Variants in PDZD8 observed in about 807,000 individuals in gnomAD.
PDZD8 encodes the protein PDZ domain containing 8.
Under a neutral mutation model 85.8 loss-of-function variants are expected in PDZD8, and 14 were observed. The ratio of observed to expected loss-of-function variants is 0.16; its 90% CI spans 0.11 to 0.26. The LOEUF (loss-of-function observed/expected upper bound fraction) is 0.26. Ranked by LOEUF, PDZD8 falls within the 10% of genes least tolerant of loss-of-function variation. The pLI is 1.00. For synonymous variants in PDZD8, 592 were observed against 568.6 expected, an observed-to-expected ratio of 1.04 and a Z score of -0.59; for missense variants, 1,197 against 1,424.3, an observed-to-expected ratio of 0.84 and a Z score of 2.57.
chr10:117,353,772 G>A (rs954789842), intron 1 of PDZD8, among the ~76,000 whole-genome samples: 2 of 149,060 alleles, frequency 1.3e-5, no homozygotes, highest in Non-Finnish European at 3.0e-5. Context: ...TGAGGGGGCG[G>A]GGAGTGGCAT....
In PDZD8 at chr10:117,284,468, C is replaced by T. The variant is rs1173552693; in HGVS notation, c.2265G>A (p.Leu755=). 2 of 1,613,996 alleles carry T rather than the reference C, an allele frequency of 1.2e-6. No individual in the cohort carries two copies. Among genetic ancestry groups the T allele is most frequent in the Non-Finnish European group, 1.7e-6 (2 of 1,180,030 alleles). ...ATSNTEYLSK[L]RLEAPSPKAI... ...CCTTAGGTGAGGGGGCTTCCAGTCT[C>T]AATTTGGAAAGGTATTCCGTGTTTG... Residue 755 remains leucine (L), a synonymous_variant, in exon 5 of 5, where the codon TTG becomes TTA. Transcript: ENST00000334464.
At chr10:117,332,219 T>G (rs895441351) in intron 2 of PDZD8, among the ~76,000 whole-genome samples, 2 of 152,122 alleles carry the variant, frequency 1.3e-5, no homozygotes, top group African/African-American at 4.8e-5. Flanking sequence ...TCATTTTGAG[T>G]GCAACTTTTC....
In PDZD8 at chr10:117,277,760, T is replaced by C. The variant is rs892234763; in HGVS notation, c.*5508A>G. The C allele has an allele frequency of 6.6e-6, 1 of 152,278 alleles. No homozygotes were observed. Among genetic ancestry groups the C allele is most frequent in the African/African-American group, 2.4e-5 (1 of 41,462 alleles). 9.4% of individuals were successfully genotyped at this position (152,278 alleles called of 1,614,324 possible). A position where few individuals can be genotyped will look rare whatever the true frequency, so the allele number is the denominator to read the frequency against. On this transcript the variant is annotated 3_prime_UTR_variant, in exon 5 of 5. Coordinates refer to ENST00000334464, the MANE Select transcript of PDZD8 (RefSeq NM_173791.5). ...GTGACACTGAATGTTATTTAACTTG[T>C]AGTTACTATCAATATATTTATGCGT...
intron 3 of PDZD8, among the ~76,000 whole-genome samples, chr10:117,308,086 T>C (rs553828927): frequency 5.0e-4 from 76 of 152,164 alleles, no homozygotes; most frequent in Non-Finnish European, 9.3e-4. Context: ...TAATATTCTT[T>C]ATTCCTAAAA....
chr10:117,292,078 A>G (rs1234760385), intron 3 of PDZD8, among the ~76,000 whole-genome samples: 1 of 152,224 alleles, frequency 6.6e-6, no homozygotes, highest in East Asian at 1.9e-4. Context: ...CCACTTGGAC[A>G]GAAATTCAAT....
At position 117,283,324 on chromosome 10, in the gene PDZD8, A is replaced by C; in HGVS notation, c.3409T>G (p.Ser1137Ala). 1 of 1,613,930 alleles carries C rather than the reference A, an allele frequency of 6.2e-7. No homozygotes were observed. The highest frequency in any genetic ancestry group is 8.5e-7 in the Non-Finnish European group (1 of 1,179,970). The change falls in exon 5 of 5, where the codon TCT becomes GCT. Residue 1137 changes from serine (S) to alanine (A), a missense_variant. Coordinates refer to ENST00000334464, the MANE Select transcript of PDZD8 (RefSeq NM_173791.5). ...TCTGATATGCTGCTGAATGGCTGAG[A>C]GTCTATTAGTTGGCTTATTTCATTA... ...LDNEISQLID[S>A]QPFSSISDDL...
Position 117,375,146 on chromosome 10 carries a change from G to T in PDZD8, c.82C>A (p.Arg28Ser), listed in dbSNP as rs752462550. 6.3e-7 allele frequency: 1 copy of T among 1,588,720 alleles called. No individual in the cohort carries two copies. ...TLLAQFFLLY[R>S]RQPEPPADEA... ...TCCGCCGGCGGCTCGGGCTGTCTGC[G>T]GTACAGCAGGAAGAACTGGGCGAGG... is the stretch of plus-strand genomic sequence containing the variant. Residue 28 changes from arginine (R) to serine (S), a missense_variant, in exon 1 of 5, where the codon CGC (arginine) becomes AGC (serine). By Grantham distance (110) the Arg-to-Ser change is moderately radical. Coordinates refer to ENST00000334464, the MANE Select transcript of PDZD8 (RefSeq NM_173791.5).
At position 117,332,542 on chromosome 10, in the gene PDZD8, T is replaced by C. The variant is rs1392540016; in HGVS notation, c.995+8438A>G. 2.0e-5 allele frequency among the ~76,000 whole-genome samples: 3 copies of C among 148,362 alleles called. No homozygotes were observed. The East Asian group carries it at 6.1e-4, about 30-fold the overall frequency. On this transcript the variant is annotated intron_variant, in intron 2 of 4. Coordinates refer to ENST00000334464, the MANE Select transcript of PDZD8 (RefSeq NM_173791.5). ...TTTTTTTGAGACTGAGTTCTGCTCT[T>C]GTTGCCCAGGCTGGAGTGCAATGGC...
At chr10:117,346,596 C>G (rs1844713147) in intron 1 of PDZD8, among the ~76,000 whole-genome samples, 1 of 152,028 alleles carries the variant, frequency 6.6e-6, no homozygotes, top group Admixed American at 6.6e-5. Context: ...CATTTCTTCT[C>G]TAACAGAAAG....
At chr10:117,364,687 C>T (rs1225262804) in intron 1 of PDZD8, among the ~76,000 whole-genome samples, 2 of 151,808 alleles carry the variant, frequency 1.3e-5, no homozygotes, top group Admixed American at 1.3e-4. Context: ...TGGGAGCATA[C>T]CTGAGAACAG....
chr10:117,307,503 A>G (rs1488665599), intron 3 of PDZD8, among the ~76,000 whole-genome samples: 2 of 152,016 alleles, frequency 1.3e-5, no homozygotes, highest in Non-Finnish European at 2.9e-5. Flanking sequence ...ATCTGTCCAT[A>G]CTCTAAGAAT....
At chr10:117,358,166 AT>A (rs1242956856) in intron 1 of PDZD8, among the ~76,000 whole-genome samples, 3 of 152,214 alleles carry the variant, frequency 2.0e-5, no homozygotes, top group African/African-American at 7.2e-5. Flanking sequence ...TGGATATGAT[AT>A]AAAAGCATGA....
chr10:117,303,773 G>A (rs1037998393), intron 3 of PDZD8, among the ~76,000 whole-genome samples: 11 of 152,380 alleles, frequency 7.2e-5, no homozygotes, highest in South Asian at 2.1e-4. Context: ...CTTGGGCTGT[G>A]GCTTTAGAGG....
At chr10:117,290,117 G>A in intron 4 of PDZD8, 69 bp downstream of exon 4, 2 of 1,356,892 alleles carry the variant, frequency 1.5e-6, no homozygotes, top group Non-Finnish European at 2.0e-6. Context: ...AAGGAAGAAA[G>A]GAAAAACCTC....
intron 2 of PDZD8, among the ~76,000 whole-genome samples, chr10:117,328,420 AT>A (rs35594578): frequency 0.77 from 116,309 of 151,266 alleles, 45,365 homozygotes; most frequent in Non-Finnish European, 0.85. Flanking sequence ...TATTATTATT[AT>A]TTTTTTTGGA....
intron 2 of PDZD8, among the ~76,000 whole-genome samples, chr10:117,332,938 T>C (rs1327749157): frequency 6.6e-6 from 1 of 150,446 alleles, no homozygotes; most frequent in Non-Finnish European, 1.5e-5. Flanking sequence ...GCCAACATGG[T>C]GAAACGCCCG....
At chr10:117,342,015 G>T (rs1357567299) in intron 1 of PDZD8, among the ~76,000 whole-genome samples, 1 of 152,156 alleles carries the variant, frequency 6.6e-6, no homozygotes, top group African/African-American at 2.4e-5. Context: ...CAGATGAAAA[G>T]AATGAAGCTT....
Position 117,284,981 on chromosome 10 carries a change from T to A in PDZD8, c.1752A>T (p.Gly584=), listed in dbSNP as rs1280971652. ...DPAQVSKPTQ[G]SAFKPPVPPR... The stretch of plus-strand genomic sequence containing the variant: ...GTGGCACAGGTGGTTTGAAAGCAGA[T>A]CCTTGGGTTGGTTTTGACACTTGTG... Residue 584 remains glycine (G), a synonymous_variant, in exon 5 of 5, where the codon GGA becomes GGT. Transcript: ENST00000334464. 6.8e-6 allele frequency: 11 copies of A among 1,614,120 alleles called. No individual in the cohort carries two copies. Among genetic ancestry groups the A allele is most frequent in the African/African-American group, 1.3e-5 (1 of 75,006 alleles).
rs574862232 is a variant in PDZD8, at chr10:117,363,361, G to C, written c.872+10995C>G. Among the ~76,000 whole-genome samples, 6 of 152,180 alleles carry C rather than the reference G, an allele frequency of 3.9e-5. No individual in the cohort carries two copies. In the East Asian group the frequency reaches 1.2e-3, roughly 29 times the overall value. ...AGAAGATATTGATGTCTCCATGAAA[G>C]TTGTATCTGAGAACAGAACATAGTC... On this transcript the variant is annotated intron_variant, in intron 1 of 4. Transcript: ENST00000334464.
Sources: gnomAD v4.1 joint callset for allele counts (sites outside exome capture counted in the v4.1 genomes callset) on GRCh38, gnomAD v4.1.1 for gene constraint, MANE v1.5 for transcripts, NCBI Gene and HGNC (gene_info 2026-07-23, HGNC 2026-07-21) for gene names.